The following NHSL2 variants were observed in gnomAD, a reference collection of about 807,000 sequenced individuals.
The protein encoded by NHSL2 is NHS like 2, also known as NHS-like protein 2.
A neutral mutation model predicts 53.4 loss-of-function variants in NHSL2; 27 were observed. The observed-to-expected ratio is 0.51, with a 90% CI of 0.37 to 0.70. The LOEUF (loss-of-function observed/expected upper bound fraction) is 0.70, where lower values mean the gene tolerates loss of function less well. NHSL2 is among the 30% of genes least tolerant of loss of function. The probability of loss-of-function intolerance (pLI) is 0.00; values close to 1 mark genes in which losing one functional copy is unlikely to be tolerated. For synonymous variants in NHSL2, 408 were observed against 404.1 expected, an observed-to-expected ratio of 1.01 and a Z score of -0.12; for missense variants, 892 against 980.1, an observed-to-expected ratio of 0.91 and a Z score of 1.20.
chrX:71,931,340 C>T (rs1166410976), intron 1 of NHSL2, among the ~76,000 whole-genome samples: 1 of 112,187 alleles, frequency 8.9e-6, no homozygotes, highest in East Asian at 2.8e-4. Flanking sequence ...TAACAGTGTC[C>T]TTTGATGCAC....
At chrX:72,040,131 C>G (rs2042265655) in intron 1 of NHSL2, among the ~76,000 whole-genome samples, 2 of 111,924 alleles carry the variant, frequency 1.8e-5, no homozygotes, top group Admixed American at 1.9e-4. Context: ...TTGAGTTTAT[C>G]TCTCTCTTTG....
At chrX:71,924,270 CGT>C (rs1443754212) in intron 1 of NHSL2, among the ~76,000 whole-genome samples, 2 of 111,298 alleles carry the variant, frequency 1.8e-5, no homozygotes, top group African/African-American at 6.5e-5. Context: ...ATTTTCCTCT[CGT>C]GTCTTCCGGA....
chrX:72,091,378 C>T (rs929303170), intron 1 of NHSL2, among the ~76,000 whole-genome samples: 2 of 110,865 alleles, frequency 1.8e-5, no homozygotes, highest in Admixed American at 9.5e-5. Flanking sequence ...GGCGTGAACC[C>T]GGGAGGCGGA....
intron 1 of NHSL2, chrX:72,131,756 C>A: frequency 3.8e-6 from 1 of 263,260 alleles, no homozygotes; most frequent in Non-Finnish European, 6.5e-6. Context: ...CGCGTTACCT[C>A]GTCGCCGGGG....
chrX:71,930,440 A>T (rs2041707143), intron 1 of NHSL2, among the ~76,000 whole-genome samples: 1 of 112,603 alleles, frequency 8.9e-6, no homozygotes, highest in Non-Finnish European at 1.9e-5. Flanking sequence ...TGTATAATTC[A>T]GTGCCTTTTA....
rs994901557 is a variant in NHSL2 at position 72,109,467 on chromosome X, GTTGT to G, written c.281-22596_281-22593del. Among the ~76,000 whole-genome samples the G allele has an allele frequency of 4.8e-4, 53 of 110,929 alleles. 1 individual carries two copies. Among genetic ancestry groups the G allele is most frequent in the African/African-American group, 1.3e-3 (39 of 30,414 alleles). ...AGTGTGCATTCAGGCAGGTTTTGTT[GTTGT>G]TTGTTTGTTTGTTTGGGAGACAGAG... On this transcript the variant is annotated intron_variant, in intron 1 of 7. Transcript: ENST00000633930.
intron 1 of NHSL2, among the ~76,000 whole-genome samples, chrX:72,064,857 G>C (rs937569578): frequency 2.7e-5 from 3 of 111,592 alleles, no homozygotes; most frequent in Non-Finnish European, 3.8e-5. Context: ...TTGAAACACA[G>C]GCGAAAAAGA....
chrX:72,079,856 T>C (rs2041774698), intron 1 of NHSL2: 1 of 112,697 alleles, frequency 8.9e-6, no homozygotes, highest in South Asian at 3.6e-4. Flanking sequence ...CTGAGAACCT[T>C]ACCTAGAGAA....
intron 1 of NHSL2, among the ~76,000 whole-genome samples, chrX:72,018,780 C>G (rs1219176258): frequency 1.9e-4 from 21 of 112,840 alleles, no homozygotes; most frequent in African/African-American, 6.7e-4. Flanking sequence ...TGCAGTGCGG[C>G]TGCGGGGCCA....
intron 1 of NHSL2, among the ~76,000 whole-genome samples, chrX:72,080,441 A>T (rs1474374594): frequency 9.0e-6 from 1 of 111,272 alleles, no homozygotes; most frequent in Non-Finnish European, 1.9e-5. Flanking sequence ...CAGGATGGCC[A>T]CTTAACCGAG....
intron 1 of NHSL2, among the ~76,000 whole-genome samples, chrX:72,099,964 A>G (rs1382323693): frequency 9.0e-6 from 1 of 111,099 alleles, no homozygotes; most frequent in Non-Finnish European, 1.9e-5. Context: ...GAGCAGGCAG[A>G]GAGATTCAAA....
At chrX:71,984,280 A>T (rs773725267) in intron 1 of NHSL2, among the ~76,000 whole-genome samples, 2 of 112,198 alleles carry the variant, frequency 1.8e-5, no homozygotes, top group Non-Finnish European at 3.8e-5. Context: ...GAAGATTAAT[A>T]AGTATTCAAT....
chrX:72,116,938 A>C (rs2147486203), intron 1 of NHSL2, among the ~76,000 whole-genome samples: 1 of 111,916 alleles, frequency 8.9e-6, no homozygotes, highest in Non-Finnish European at 1.9e-5. Context: ...CCATCTATAA[A>C]GGATAAGTAC....
intron 2 of NHSL2, among the ~76,000 whole-genome samples, chrX:72,132,576 C>A (rs908354047): frequency 8.2e-5 from 9 of 109,675 alleles, no homozygotes; most frequent in Admixed American, 1.9e-4. Flanking sequence ...CCCCCTCTTG[C>A]CACATCGCCC....
At position 71,939,025 on chromosome X, in the gene NHSL2, T is replaced by C. The variant is rs1318418124; in HGVS notation, c.280+27658T>C. On this transcript the variant is annotated intron_variant, in intron 1 of 7. Coordinates refer to ENST00000633930, the MANE Select transcript of NHSL2 (RefSeq NM_001013627.3). ...AAATATTATAGGGCATGGCAAGTGCTCTGACAAGGCTGAGTACAGGGTAAT... is the reference window on the plus strand; with the variant it reads ...AAATATTATAGGGCATGGCAAGTGCCCTGACAAGGCTGAGTACAGGGTAAT... Among the ~76,000 whole-genome samples, 3 of 112,675 alleles carry C rather than the reference T, an allele frequency of 2.7e-5. No individual in the cohort carries two copies. In the East Asian group the frequency reaches 8.3e-4, roughly 31 times the overall value.
In NHSL2 at chrX:71,911,349, G is replaced by A. The variant is rs1309361934; in HGVS notation, c.262G>A (p.Glu88Lys). The A allele has an allele frequency of 1.8e-6, 2 of 1,095,708 alleles. No homozygotes were observed. Among genetic ancestry groups the A allele is most frequent in the South Asian group, 2.2e-5 (1 of 44,698 alleles). The allele number at this position is 1,095,708 out of a possible 1,213,427, so 90.3% of individuals were successfully genotyped here. Residue 88 changes from glutamate (E) to lysine (K), a missense_variant, in exon 1 of 8, where the codon GAG becomes AAG. By Grantham distance (56) the Glu-to-Lys change is moderately conservative. Transcript: ENST00000633930. ...RLPCRLLGPE[E>K]DEEELAAANS... Reference sequence around the variant, plus strand: ...TCCCTGCCGCCTGCTTGGCCCGGAGGAGGACGAGGAAGAGCTAGGTAAAAA... The same window carrying A: ...TCCCTGCCGCCTGCTTGGCCCGGAGAAGGACGAGGAAGAGCTAGGTAAAAA...
chrX:72,017,870 C>T (rs866136942), intron 1 of NHSL2, among the ~76,000 whole-genome samples: 4 of 111,440 alleles, frequency 3.6e-5, no homozygotes, highest in Non-Finnish European at 7.5e-5. Context: ...ATCACTAAGT[C>T]CTTCCCATTC....
intron 1 of NHSL2, among the ~76,000 whole-genome samples, chrX:71,976,075 TC>T (rs1248167199): frequency 9.0e-6 from 1 of 111,340 alleles, no homozygotes; most frequent in Non-Finnish European, 1.9e-5. Flanking sequence ...CCCACTGTGG[TC>T]CCTGCCTTTA....
rs1012927887 is a variant in NHSL2 at position 71,965,541 on chromosome X, T to G, written c.280+54174T>G. Among the ~76,000 whole-genome samples, 7 of 112,158 alleles carry G rather than the reference T, an allele frequency of 6.2e-5. No individual in the cohort carries two copies. The Admixed American group carries it at 6.6e-4, about 11-fold the overall frequency. ...TATAGTAAGTCTCAAGGTTGGGCAG[T>G]GTAAGTCCTTCAACTCTTCTTCTCC... On this transcript the variant is annotated intron_variant, in intron 1 of 7. Coordinates refer to ENST00000633930, the MANE Select transcript of NHSL2 (RefSeq NM_001013627.3).
Sources: gnomAD v4.1 joint callset for allele counts (sites outside exome capture counted in the v4.1 genomes callset) on GRCh38, gnomAD v4.1.1 for gene constraint, MANE v1.5 for transcripts, NCBI Gene and HGNC (gene_info 2026-07-23, HGNC 2026-07-21) for gene names.